Variants in EPHA6 observed in about 807,000 individuals in gnomAD.
EPHA6 encodes the protein EPH receptor A6.
EPHA6 carries 50 observed loss-of-function variants against 112.0 expected under a neutral mutation model. The ratio of observed to expected loss-of-function variants is 0.45; its 90% confidence interval spans 0.36 to 0.56. The LOEUF (loss-of-function observed/expected upper bound fraction) is 0.56, where lower values mean the gene tolerates loss of function less well. Ranked by LOEUF, EPHA6 falls within the 20% of genes least tolerant of loss-of-function variation. The probability of loss-of-function intolerance (pLI) is 0.00; values close to 1 mark genes in which losing one functional copy is unlikely to be tolerated. For missense variants in EPHA6, 1,280 were observed against 1,417.4 expected, an observed-to-expected ratio of 0.90 and a Z score of 1.56; for synonymous variants, 529 against 490.7, an observed-to-expected ratio of 1.08 and a Z score of -1.03.
At chr3:97,246,177 C>T (rs910385640) in intron 5 of EPHA6, among the ~76,000 whole-genome samples, 1 of 151,946 alleles carries the variant, frequency 6.6e-6, no homozygotes, top group African/African-American at 2.4e-5. Context: ...CTGTTCCTCT[C>T]TGCTTCAGCA....
At chr3:97,281,199 CTATGTG>C (rs988382481) in intron 5 of EPHA6, among the ~76,000 whole-genome samples, 4 of 68,054 alleles carry the variant, frequency 5.9e-5, no homozygotes, top group Admixed American at 2.1e-4. Flanking sequence ...TTCAAAGAGT[CTATGTG>C]TGTGTGTGTG....
At chr3:97,685,696 C>G (rs1314532339) in intron 14 of EPHA6, among the ~76,000 whole-genome samples, 1 of 152,128 alleles carries the variant, frequency 6.6e-6, no homozygotes, top group Non-Finnish European at 1.5e-5. Context: ...CATGGCCATG[C>G]CTAACTTCAA....
chr3:96,935,971 C>G (rs970718870), intron 2 of EPHA6, among the ~76,000 whole-genome samples: 2 of 151,784 alleles, frequency 1.3e-5, no homozygotes, highest in Admixed American at 1.3e-4. Context: ...ATGGAACAAA[C>G]CTCCTAAGGA....
At chr3:97,235,032 T>G (rs926348554) in intron 4 of EPHA6, among the ~76,000 whole-genome samples, 77 of 152,122 alleles carry the variant, frequency 5.1e-4, no homozygotes, top group Non-Finnish European at 2.6e-4. Flanking sequence ...AAATGCTCCT[T>G]CCTTAGGTTT....
At chr3:97,552,651 A>G (rs745895558) in intron 11 of EPHA6, among the ~76,000 whole-genome samples, 3 of 152,194 alleles carry the variant, frequency 2.0e-5, no homozygotes, top group Non-Finnish European at 4.4e-5. Context: ...AATCATGGAA[A>G]AACAAAACAA....
intron 3 of EPHA6, among the ~76,000 whole-genome samples, chr3:97,032,871 C>T (rs946640386): frequency 7.2e-5 from 11 of 151,890 alleles, no homozygotes; most frequent in South Asian, 4.2e-4. Context: ...ACAATCATGC[C>T]GGTGAACTGA....
At chr3:96,919,139 G>A (rs16836994) in intron 2 of EPHA6, among the ~76,000 whole-genome samples, 10,548 of 151,780 alleles carry the variant, frequency 0.069, 725 homozygotes, top group Admixed American at 0.21. Context: ...GAACGTAGCC[G>A]CTTTTAATAA....
intron 5 of EPHA6, among the ~76,000 whole-genome samples, chr3:97,309,533 AT>A (rs2081459186): frequency 6.6e-6 from 1 of 151,626 alleles, no homozygotes; most frequent in South Asian, 2.1e-4. Context: ...CTTAGAAAAT[AT>A]TTTTATAACA....
At chr3:96,905,284 AG>A (rs1462646534) in intron 2 of EPHA6, among the ~76,000 whole-genome samples, 1 of 152,082 alleles carries the variant, frequency 6.6e-6, no homozygotes, top group Admixed American at 6.6e-5. Context: ...TCTATAAAAA[AG>A]GTCTGAAATT....
chr3:97,581,652 T>C (rs1361274471), intron 11 of EPHA6, among the ~76,000 whole-genome samples: 1 of 152,218 alleles, frequency 6.6e-6, no homozygotes, highest in Non-Finnish European at 1.5e-5. Flanking sequence ...TTCCCACACA[T>C]TACCAAAATG....
chr3:96,835,312 A>G (rs546441329), intron 1 of EPHA6, among the ~76,000 whole-genome samples: 67 of 152,110 alleles, frequency 4.4e-4, no homozygotes, highest in Non-Finnish European at 8.5e-4. Context: ...GAAAGTATGT[A>G]CAGCTTATCA....
At chr3:97,003,230 C>T (rs1054324127) in intron 3 of EPHA6, among the ~76,000 whole-genome samples, 2 of 152,152 alleles carry the variant, frequency 1.3e-5, no homozygotes, top group African/African-American at 4.8e-5. Context: ...GCCTCATCCA[C>T]CCAAGTAGCT....
In EPHA6 at chr3:97,751,109, T is replaced by G. The variant is rs2035890036; in HGVS notation, c.*2408T>G. Reference sequence around the variant, plus strand: ...TATTTTTATAATACAAAAAAGGTATTTAGGAAAATAAGGAATAGAATAATA... The same window carrying G: ...TATTTTTATAATACAAAAAAGGTATGTAGGAAAATAAGGAATAGAATAATA... On this transcript the variant is annotated 3_prime_UTR_variant, in exon 18 of 18. Coordinates refer to ENST00000389672, the MANE Select transcript of EPHA6 (RefSeq NM_001080448.3). Among the ~76,000 whole-genome samples, 2 of 152,124 alleles carry G rather than the reference T, an allele frequency of 1.3e-5. No homozygotes were observed. Among genetic ancestry groups the G allele is most frequent in the Admixed American group, 1.3e-4 (2 of 15,276 alleles).
At chr3:97,384,755 C>T (rs371780447) in intron 5 of EPHA6, among the ~76,000 whole-genome samples, 1 of 151,926 alleles carries the variant, frequency 6.6e-6, no homozygotes, top group Non-Finnish European at 1.5e-5. Context: ...CTATTTCCCC[C>T]TTTTTTGATA....
At chr3:97,005,107 AT>A in intron 3 of EPHA6, among the ~76,000 whole-genome samples, 1 of 152,168 alleles carries the variant, frequency 6.6e-6, no homozygotes, top group East Asian at 1.9e-4. Context: ...ATCTTCTTTG[AT>A]TCCATATGAA....
chr3:97,514,990 T>C (rs1016139101), intron 10 of EPHA6, among the ~76,000 whole-genome samples: 1 of 152,186 alleles, frequency 6.6e-6, no homozygotes, highest in African/African-American at 2.4e-5. Context: ...ATACAGCAGA[T>C]GACAATGAGA....
intron 5 of EPHA6, among the ~76,000 whole-genome samples, chr3:97,370,007 GA>G: frequency 6.6e-6 from 1 of 152,124 alleles, no homozygotes; most frequent in African/African-American, 2.4e-5. Context: ...TATTGATTTG[GA>G]ATTTAAAGAA....
At chr3:97,165,450 G>T (rs551296360) in intron 3 of EPHA6, among the ~76,000 whole-genome samples, 3 of 152,138 alleles carry the variant, frequency 2.0e-5, no homozygotes, top group South Asian at 4.2e-4. Context: ...TTACTTAATT[G>T]ATATCACTAT....
At chr3:97,459,172 G>A (rs75409643) in intron 7 of EPHA6, among the ~76,000 whole-genome samples, 3,078 of 152,334 alleles carry the variant, frequency 0.02, 101 homozygotes, top group African/African-American at 0.068. Context: ...ATCTGTGCAA[G>A]TGTAGAGATC....
Sources: allele counts gnomAD v4.1 joint callset (sites outside exome capture counted in the v4.1 genomes callset), GRCh38; gene constraint gnomAD v4.1.1; transcripts MANE v1.5; gene names NCBI Gene and HGNC (gene_info 2026-07-23, HGNC 2026-07-21).